NFIB: variants seen among roughly 807,000 people sequenced by gnomAD.
The protein encoded by NFIB is nuclear factor I B.
In NFIB, 11 loss-of-function variants were observed where a neutral mutation model predicts 61.5. That is an observed-to-expected ratio of 0.18 (90% confidence interval 0.11 to 0.30). The LOEUF is 0.30. Ranked by LOEUF, NFIB falls within the 10% of genes least tolerant of loss-of-function variation. The pLI is 1.00. For missense variants in NFIB, 471 were observed against 608.9 expected (o/e 0.77, Z 2.38); for synonymous variants, 260 against 216.5 (o/e 1.20, Z -1.76).
At chr9:14,382,862 C>T (rs2061504663) in intron 1 of NFIB, among the ~76,000 whole-genome samples, 1 of 151,998 alleles carries the variant, frequency 6.6e-6, no homozygotes. Flanking sequence ...AAAAAGCAAG[C>T]AAATAAAGCA....
At chr9:14,224,067 A>C (rs1444190166) in intron 2 of NFIB, among the ~76,000 whole-genome samples, 1 of 152,154 alleles carries the variant, frequency 6.6e-6, no homozygotes, top group Non-Finnish European at 1.5e-5. Flanking sequence ...ACAAACAGTA[A>C]AATGTCCCTC....
At chr9:14,299,202 T>G (rs891455099) in intron 2 of NFIB, among the ~76,000 whole-genome samples, 96 of 152,310 alleles carry the variant, frequency 6.3e-4, no homozygotes, top group African/African-American at 2.3e-3. Flanking sequence ...TGATTAGATT[T>G]TTTGTCCCAA....
intron 10 of NFIB, among the ~76,000 whole-genome samples, chr9:14,097,002 G>A (rs1356517527): frequency 6.6e-6 from 1 of 152,094 alleles, no homozygotes; most frequent in African/African-American, 2.4e-5. Flanking sequence ...GAGAAAGTTA[G>A]GCAAAACTAC....
chr9:14,334,814 A>T (rs1348963868), intron 1 of NFIB, among the ~76,000 whole-genome samples: 13 of 152,212 alleles, frequency 8.5e-5, no homozygotes, highest in African/African-American at 2.7e-4. Context: ...ACCTCTAAAA[A>T]TGTTTATATG....
the NFIB span, among the ~76,000 whole-genome samples, chr9:14,433,860 C>A: frequency 6.6e-6 from 1 of 152,112 alleles, no homozygotes; most frequent in Admixed American, 6.5e-5. Flanking sequence ...TTCATGATTG[C>A]ATGTCTGGTT....
chr9:14,203,165 AT>A (rs112873561), intron 2 of NFIB, among the ~76,000 whole-genome samples: 9 of 149,052 alleles, frequency 6.0e-5, no homozygotes, highest in Middle Eastern at 3.5e-3. Flanking sequence ...CAGCCCCCAC[AT>A]TTTTTTTTTC....
At chr9:14,140,280 C>G (rs2041536234) in intron 6 of NFIB, among the ~76,000 whole-genome samples, 1 of 152,158 alleles carries the variant, frequency 6.6e-6, no homozygotes, top group Non-Finnish European at 1.5e-5. Flanking sequence ...AGTTATTCAA[C>G]CATCTATGAC....
intron 1 of NFIB, chr9:14,321,831 G>C: frequency 1.7e-6 from 2 of 1,183,312 alleles, no homozygotes; most frequent in Non-Finnish European, 2.1e-6. Context: ...GGGTAAAACA[G>C]CCACTTTGCA....
the NFIB span, among the ~76,000 whole-genome samples, chr9:14,485,943 T>C: frequency 1.3e-5 from 2 of 151,568 alleles, no homozygotes; most frequent in Admixed American, 6.6e-5. Context: ...GTCCTTACAA[T>C]GGAAATGGGA....
intron 2 of NFIB, among the ~76,000 whole-genome samples, chr9:14,220,616 G>A (rs962448857): frequency 1.3e-5 from 2 of 152,026 alleles, no homozygotes; most frequent in African/African-American, 4.8e-5. Flanking sequence ...ACAGCCCATA[G>A]CTCTCACATC....
At chr9:14,295,353 C>T (rs1200817165) in intron 2 of NFIB, among the ~76,000 whole-genome samples, 4 of 152,072 alleles carry the variant, frequency 2.6e-5, no homozygotes, top group Non-Finnish European at 4.4e-5. Context: ...TGGCCGGGCG[C>T]GGTGGCTCAT....
chr9:14,413,234 C>G, the NFIB span, among the ~76,000 whole-genome samples: 3 of 152,230 alleles, frequency 2.0e-5, no homozygotes, highest in Admixed American at 2.0e-4. Flanking sequence ...CTGGAGCCTT[C>G]CCAGTGAGCT....
intron 2 of NFIB, among the ~76,000 whole-genome samples, chr9:14,210,716 G>A (rs2050218240): frequency 6.6e-6 from 1 of 151,880 alleles, no homozygotes; most frequent in Non-Finnish European, 1.5e-5. Flanking sequence ...ATTACTATAA[G>A]TACAATAGAA....
chr9:14,154,113 C>T (rs1427053220), intron 4 of NFIB, among the ~76,000 whole-genome samples: 2 of 151,976 alleles, frequency 1.3e-5, no homozygotes, highest in African/African-American at 4.8e-5. Flanking sequence ...TAATTTTCAT[C>T]TTTGTTTTAA....
rs761683470 is a variant in NFIB, at chr9:14,202,416, G to T, written c.563-22636C>A. Among the ~76,000 whole-genome samples the T allele has an allele frequency of 2.0e-5, 3 of 152,206 alleles. No homozygotes were observed. In the South Asian group the frequency reaches 6.2e-4, roughly 32 times the overall value. On this transcript the variant is annotated intron_variant, in intron 2 of 10. Coordinates refer to ENST00000380953, the MANE Select transcript of NFIB (RefSeq NM_001190737.2). ...ATGAAAGGGGTCTACTGACTAGTTC[G>T]GGAGCTGAAGAGTCAAATACTATTT...
At chr9:14,498,338 C>T in the NFIB span, among the ~76,000 whole-genome samples, 115,463 of 152,148 alleles carry the variant, frequency 0.76, 44,378 homozygotes, top group African/African-American at 0.87. Flanking sequence ...CACATTTGGT[C>T]TGAGCCAATA....
chr9:14,156,034 C>A (rs1044597704), intron 3 of NFIB, 141 bp from the exon 4 acceptor site: 33 of 482,252 alleles, frequency 6.8e-5, no homozygotes, highest in African/African-American at 5.5e-4. Flanking sequence ...TAAAAAATGA[C>A]TCTTAGGAAT....
the NFIB span, among the ~76,000 whole-genome samples, chr9:14,522,680 A>T: frequency 6.6e-6 from 1 of 152,214 alleles, no homozygotes; most frequent in Non-Finnish European, 1.5e-5. Context: ...GCTAGAGCAT[A>T]TATGATGTTA....
chr9:14,353,650 C>T (rs2061140611), intron 1 of NFIB, among the ~76,000 whole-genome samples: 1 of 152,132 alleles, frequency 6.6e-6, no homozygotes, highest in Non-Finnish European at 1.5e-5. Context: ...GGCTGCTGCG[C>T]CCCCTGGTGT....
Sources: allele counts gnomAD v4.1 joint callset (sites outside exome capture counted in the v4.1 genomes callset), GRCh38; gene constraint gnomAD v4.1.1; transcripts MANE v1.5; gene names NCBI Gene and HGNC (gene_info 2026-07-23, HGNC 2026-07-21).